The following SORCS1 variants were observed in gnomAD, a reference collection of about 807,000 sequenced individuals.
SORCS1 encodes sortilin related VPS10 domain containing receptor 1.
A neutral mutation model predicts 146.1 loss-of-function variants in SORCS1; 60 were observed. That is an observed-to-expected ratio of 0.41 (90% CI 0.33 to 0.51). SORCS1 has a LOEUF of 0.51. Ranked by LOEUF, SORCS1 falls within the 20% of genes least tolerant of loss-of-function variation. The pLI, the probability that SORCS1 is intolerant of heterozygous loss-of-function variation, is 0.21. For synonymous variants in SORCS1, 637 were observed against 584.0 expected, an observed-to-expected ratio of 1.09 and a Z score of -1.31; for missense variants, 1,352 against 1,487.6, an observed-to-expected ratio of 0.91 and a Z score of 1.50.
intron 4 of SORCS1, among the ~76,000 whole-genome samples, chr10:106,765,741 T>C (rs1188577480): frequency 6.6e-6 from 1 of 152,002 alleles, no homozygotes; most frequent in African/African-American, 2.4e-5. Context: ...ATTCACATTT[T>C]GGTTAAATCC....
intron 14 of SORCS1, among the ~76,000 whole-genome samples, chr10:106,674,646 T>C (rs887201979): frequency 6.6e-6 from 1 of 152,198 alleles, no homozygotes; most frequent in African/African-American, 2.4e-5. Flanking sequence ...TTTCCTAATA[T>C]GCCTCACAAT....
At chr10:106,642,481 C>A (rs939905971) in intron 18 of SORCS1, among the ~76,000 whole-genome samples, 3 of 152,100 alleles carry the variant, frequency 2.0e-5, no homozygotes, top group African/African-American at 7.2e-5. Context: ...AAGACTCAGG[C>A]ACTATTTTCA....
At chr10:106,682,959 CA>C (rs1852553436) in intron 10 of SORCS1, among the ~76,000 whole-genome samples, 1 of 152,216 alleles carries the variant, frequency 6.6e-6, no homozygotes, top group Non-Finnish European at 1.5e-5. Flanking sequence ...CACATAGTCA[CA>C]GGCCATGGCA....
intron 1 of SORCS1, among the ~76,000 whole-genome samples, chr10:106,971,330 C>G (rs1296741325): frequency 6.6e-6 from 1 of 152,152 alleles, no homozygotes. Context: ...TCTTGCTGAC[C>G]TAAGGAATTC....
intron 1 of SORCS1, among the ~76,000 whole-genome samples, chr10:107,000,765 A>T (rs1481102191): frequency 1.3e-5 from 2 of 152,188 alleles, no homozygotes; most frequent in African/African-American, 4.8e-5. Flanking sequence ...TATATCTAAG[A>T]TACTCTTCAA....
intron 1 of SORCS1, among the ~76,000 whole-genome samples, chr10:106,982,183 G>A (rs78596813): frequency 0.014 from 2,119 of 152,274 alleles, 39 homozygotes; most frequent in African/African-American, 0.047. Flanking sequence ...CACAAGATAG[G>A]CCATTACTGA....
intron 8 of SORCS1, among the ~76,000 whole-genome samples, chr10:106,705,367 T>C (rs1303851581): frequency 1.3e-5 from 2 of 152,202 alleles, no homozygotes; most frequent in Non-Finnish European, 2.9e-5. Flanking sequence ...GAATTCATCC[T>C]GGAGAAACCA....
chr10:106,798,108 G>A (rs986293474), intron 3 of SORCS1, among the ~76,000 whole-genome samples: 1 of 152,092 alleles, frequency 6.6e-6, no homozygotes, highest in African/African-American at 2.4e-5. Flanking sequence ...CTGTTCTTGT[G>A]ATAGCGAATA....
chr10:106,931,592 C>T (rs1411876174), intron 2 of SORCS1, among the ~76,000 whole-genome samples: 2 of 152,178 alleles, frequency 1.3e-5, no homozygotes, highest in East Asian at 3.8e-4. Context: ...AACCAGAGAG[C>T]CACTAGCTCA....
intron 2 of SORCS1, among the ~76,000 whole-genome samples, chr10:106,859,603 G>T (rs1180259957): frequency 6.6e-6 from 1 of 152,130 alleles, no homozygotes; most frequent in African/African-American, 2.4e-5. Context: ...ATGTTGGCCA[G>T]GCTGGTCTTG....
At chr10:106,674,328 CAAAAAAAAA>C (rs10658432) in intron 14 of SORCS1, among the ~76,000 whole-genome samples, 17 of 27,376 alleles carry the variant, frequency 6.2e-4, no homozygotes, top group East Asian at 1.8e-3. Context: ...GACTCCGTCT[CAAAAAAAAA>C]AAAAAAAAAA....
intron 5 of SORCS1, 134 bp from the exon 6 acceptor site, chr10:106,730,248 T>C (rs746006285): frequency 7.1e-5 from 50 of 699,778 alleles, no homozygotes; most frequent in Non-Finnish European, 9.5e-5. Context: ...ATATATCTAC[T>C]CTATGTATTT....
At chr10:106,710,025 T>C (rs1349555911) in intron 6 of SORCS1, among the ~76,000 whole-genome samples, 1 of 152,218 alleles carries the variant, frequency 6.6e-6, no homozygotes, top group African/African-American at 2.4e-5. Context: ...AGGTTTCACC[T>C]TCACACTTTG....
chr10:106,773,536 G>A (rs1321330429), intron 4 of SORCS1, among the ~76,000 whole-genome samples: 1 of 152,178 alleles, frequency 6.6e-6, no homozygotes, highest in Admixed American at 6.5e-5. Flanking sequence ...TGTAGAGCTG[G>A]CTATCCATGA....
chr10:106,906,683 C>T lies in SORCS1; in HGVS notation c.626+49830G>A, dbSNP rs530807745. On this transcript the variant is annotated intron_variant, in intron 2 of 25. Coordinates refer to ENST00000263054, the MANE Select transcript of SORCS1 (RefSeq NM_052918.5). Reference sequence around the variant, plus strand: ...GTGGGAATTCTGGGAGATACAATTCCAGTTGGGATCTGGGTGGGGACACAG... The same window carrying T: ...GTGGGAATTCTGGGAGATACAATTCTAGTTGGGATCTGGGTGGGGACACAG... Among the ~76,000 whole-genome samples the T allele has an allele frequency of 3.9e-5, 6 of 152,288 alleles. No homozygotes were observed. The East Asian group carries it at 1.2e-3, about 29-fold the overall frequency.
rs143280827 is a variant in SORCS1, at chr10:106,699,248, C to A, written c.1379G>T (p.Gly460Val). Residue 460 changes from glycine to valine, a missense_variant, in exon 9 of 26, where the codon GGC (glycine) becomes GTC (valine). Around this residue, in one of 3 missense-constraint regions of SORCS1, gnomAD observed 648 missense variants for 793.8 expected, o/e 0.82. Transcript: ENST00000263054. ...LALENVQSSRGPEGNIMIDLY... is the reference protein window; with the variant it reads ...LALENVQSSRVPEGNIMIDLY... ...GTCGATCATGATGTTGCCCTCAGGGCCTCTGCTGCTCTGGACATTCTCCAA... is the reference window on the plus strand; with the variant it reads ...GTCGATCATGATGTTGCCCTCAGGGACTCTGCTGCTCTGGACATTCTCCAA... 1.7e-5 allele frequency: 28 copies of A among 1,613,550 alleles called. No individual in the cohort carries two copies. The African/African-American group carries it at 2.0e-4, about 12-fold the overall frequency.
intron 23 of SORCS1, chr10:106,600,543 C>T: frequency 3.0e-6 from 3 of 985,322 alleles, no homozygotes; most frequent in Non-Finnish European, 3.6e-6. Flanking sequence ...TTCCACACCA[C>T]TTGTAGAAGT....
intron 1 of SORCS1, among the ~76,000 whole-genome samples, chr10:107,141,872 T>C (rs960133942): frequency 6.6e-6 from 1 of 152,158 alleles, no homozygotes; most frequent in African/African-American, 2.4e-5. Flanking sequence ...CTTCACTGAA[T>C]ATTGCACAAT....
At chr10:106,606,228 T>C (rs937147261) in intron 23 of SORCS1, among the ~76,000 whole-genome samples, 2 of 141,056 alleles carry the variant, frequency 1.4e-5, no homozygotes, top group African/African-American at 2.7e-5. Flanking sequence ...AAAAGAAGAC[T>C]AAAGGGGAAA....
Sources: allele counts gnomAD v4.1 joint callset (sites outside exome capture counted in the v4.1 genomes callset), GRCh38; gene constraint gnomAD v4.1.1; regional missense constraint gnomAD v4.1.1; transcripts MANE v1.5; gene names NCBI Gene and HGNC (gene_info 2026-07-23, HGNC 2026-07-21).